The following ZBTB7B variants were observed in gnomAD, a reference collection of about 807,000 sequenced individuals.
The protein encoded by ZBTB7B is zinc finger and BTB domain containing 7B, also known as zinc finger and BTB domain-containing protein 7B.
Under a neutral mutation model 31.0 loss-of-function variants are expected in ZBTB7B, and 8 were observed. The ratio of observed to expected loss-of-function variants is 0.26; its 90% CI spans 0.15 to 0.47. The LOEUF is 0.47. ZBTB7B is among the 20% of genes least tolerant of loss of function. The pLI, the probability that ZBTB7B is intolerant of heterozygous loss-of-function variation, is 0.99. For missense variants in ZBTB7B, 494 were observed against 742.4 expected, an observed-to-expected ratio of 0.67 and a Z score of 3.89; for synonymous variants, 261 against 307.3, an observed-to-expected ratio of 0.85 and a Z score of 1.58.
chr1:155,009,366 G>A (rs1000889493), intron 1 of ZBTB7B, among the ~76,000 whole-genome samples: 4 of 151,324 alleles, frequency 2.6e-5, no homozygotes, highest in Admixed American at 1.3e-4. Flanking sequence ...TTACCCAGCC[G>A]GAGACACTAG....
At chr1:155,009,178 G>C (rs560832185) in intron 1 of ZBTB7B, among the ~76,000 whole-genome samples, 255 of 152,276 alleles carry the variant, frequency 1.7e-3, no homozygotes, top group Non-Finnish European at 2.0e-3. Context: ...GACCCGAGCA[G>C]ATCAGGAGAG....
intron 1 of ZBTB7B, chr1:155,013,963 G>T: frequency 1.1e-6 from 1 of 917,598 alleles, no homozygotes; most frequent in African/African-American, 1.8e-5. Context: ...GCAAGAGGAG[G>T]AAGAGGATGA....
In ZBTB7B at chr1:155,003,706, C is replaced by G. The variant is rs1247759625; in HGVS notation, c.-7+763C>G. On this transcript the variant is annotated intron_variant, in intron 1 of 2. Transcript: ENST00000535420. This position sits in a 1 kb window ranked among gnomAD's most constrained non-coding sequence, Gnocchi z 5.8. Reference sequence around the variant, plus strand: ...TACCTACTACCCGTCCCCCCACCGGCGCCGGCGCACCTGCCCCAGCCCAGA... The same window carrying G: ...TACCTACTACCCGTCCCCCCACCGGGGCCGGCGCACCTGCCCCAGCCCAGA... Among the ~76,000 whole-genome samples, 1 of 152,230 alleles carries G rather than the reference C, an allele frequency of 6.6e-6. No homozygotes were observed. The highest frequency in any genetic ancestry group is 1.9e-4 in the East Asian group (1 of 5,204).
chr1:155,009,423 C>T (rs956701065), intron 1 of ZBTB7B, among the ~76,000 whole-genome samples: 10 of 152,032 alleles, frequency 6.6e-5, no homozygotes, highest in Admixed American at 3.9e-4. Context: ...GCACCTTGTG[C>T]GGTCTCCTCA....
chr1:155,003,593 C>T lies in ZBTB7B; in HGVS notation c.-7+650C>T, dbSNP rs1034067720. Among the ~76,000 whole-genome samples the T allele has an allele frequency of 6.6e-5, 10 of 152,208 alleles. No homozygotes were observed. Among genetic ancestry groups the T allele is most frequent in the African/African-American group, 2.2e-4 (9 of 41,440 alleles). ...GCCCCTCAATCCCACTCCCTTCCTT[C>T]AGGCTCCAGTCCCGCCGCTACCTTT... is the stretch of plus-strand genomic sequence containing the variant. On this transcript the variant is annotated intron_variant, in intron 1 of 2. Coordinates refer to ENST00000535420, the MANE Select transcript of ZBTB7B (RefSeq NM_001256455.2). This position sits in a 1 kb window ranked among gnomAD's most constrained non-coding sequence, Gnocchi z 5.8.
At position 155,018,385 on chromosome 1, in the gene ZBTB7B, C is replaced by T. The variant is rs1218678191; in HGVS notation, c.*1700C>T. The T allele has an allele frequency of 4.1e-6, 3 of 724,716 alleles. No individual in the cohort carries two copies. The highest frequency in any genetic ancestry group is 2.9e-5 in the Admixed American group (1 of 34,414). 44.9% of individuals were successfully genotyped at this position (724,716 alleles called of 1,614,324 possible). On this transcript the variant is annotated 3_prime_UTR_variant, in exon 3 of 3. Transcript: ENST00000535420. The stretch of plus-strand genomic sequence containing the variant: ...CCAGAAAGTGGGGACAATGTGGCCT[C>T]CCTTCTCCCTACTTTCGGCTTTCCC...
Position 155,015,154 on chromosome 1 carries a change from C to G in ZBTB7B, c.494C>G (p.Ala165Gly), listed in dbSNP as rs1372122428. The stretch of plus-strand genomic sequence containing the variant: ...GAGCGAGCCCGCCAGTATCTGGAGG[C>G]CTTTGCCACAGCCACGGCCTCTGGA... ...DCERARQYLEAFATATASGVP... is the reference protein window; with the variant it reads ...DCERARQYLEGFATATASGVP... Residue 165 changes from alanine to glycine, a missense_variant, in exon 2 of 3, where the codon GCC (alanine) becomes GGC (glycine). Transcript: ENST00000535420. 1.5e-5 allele frequency: 24 copies of G among 1,613,754 alleles called. No individual in the cohort carries two copies. Among genetic ancestry groups the G allele is most frequent in the South Asian group, 4.4e-5 (4 of 91,084 alleles).
Position 155,003,367 on chromosome 1 carries a change from C to G in ZBTB7B, c.-7+424C>G, listed in dbSNP as rs866555054. On this transcript the variant is annotated intron_variant, in intron 1 of 2. Coordinates refer to ENST00000535420, the MANE Select transcript of ZBTB7B (RefSeq NM_001256455.2). This position sits in a 1 kb window ranked among gnomAD's most constrained non-coding sequence, Gnocchi z 5.8. ...ACTAGGACAACGCGCACCCCCCCCCCACCCCGCGCCCCCTGGCGCGGTGGA... is the reference window on the plus strand; with the variant it reads ...ACTAGGACAACGCGCACCCCCCCCCGACCCCGCGCCCCCTGGCGCGGTGGA... Among the ~76,000 whole-genome samples, 10 of 148,104 alleles carry G rather than the reference C, an allele frequency of 6.8e-5. No individual in the cohort carries two copies. Among genetic ancestry groups the G allele is most frequent in the Middle Eastern group, 3.6e-3 (1 of 276 alleles).
Position 155,014,685 on chromosome 1 carries a change from A to C in ZBTB7B, c.25A>C (p.Ile9Leu). The C allele has an allele frequency of 6.2e-7, 1 of 1,613,658 alleles. No individual in the cohort carries two copies. Among genetic ancestry groups the C allele is most frequent in the Non-Finnish European group, 8.5e-7 (1 of 1,179,688 alleles). MGSPEDDL[I>L]GIPFPDHSSE... ...GATGGGGAGCCCCGAGGATGACCTG[A>C]TTGGGATTCCATTCCCGGACCACAG... is the stretch of plus-strand genomic sequence containing the variant. The change falls in exon 2 of 3, where the codon ATT (isoleucine) becomes CTT (leucine). Residue 9 changes from isoleucine to leucine, a missense_variant. Ile to Leu is a conservative substitution (Grantham distance 5). Transcript: ENST00000535420.
chr1:155,009,491 G>A (rs1468911185), intron 1 of ZBTB7B, among the ~76,000 whole-genome samples: 1 of 152,146 alleles, frequency 6.6e-6, no homozygotes, highest in Non-Finnish European at 1.5e-5. Context: ...CTGATGGCCA[G>A]AGTCTGTCCA....
rs569843086 is a variant in ZBTB7B at position 155,016,789 on chromosome 1, T to C, written c.*104T>C. 1 of 679,860 alleles carries C rather than the reference T, an allele frequency of 1.5e-6. No homozygotes were observed. The highest frequency in any genetic ancestry group is 2.7e-5 in the East Asian group (1 of 36,582). 42.1% of individuals were successfully genotyped at this position (679,860 alleles called of 1,614,324 possible). On this transcript the variant is annotated 3_prime_UTR_variant, in exon 3 of 3. Coordinates refer to ENST00000535420, the MANE Select transcript of ZBTB7B (RefSeq NM_001256455.2). The surrounding 1 kb of genome is among the most constrained non-coding windows in gnomAD (Gnocchi z 4.3). ...CAGCAGGGGTCTGGGGCACGGAGCC[T>C]TGCTGGCATCAGCATCAGCCCTTCC... is the stretch of plus-strand genomic sequence containing the variant.
At chr1:155,011,821 G>A (rs763983168) in intron 1 of ZBTB7B, among the ~76,000 whole-genome samples, 1 of 152,232 alleles carries the variant, frequency 6.6e-6, no homozygotes, top group Non-Finnish European at 1.5e-5. Context: ...TGGCACCAGT[G>A]CCCTGCCCTG....
rs1472966051 is a variant in ZBTB7B at position 155,014,639 on chromosome 1, C to T, written c.-6-16C>T. 1 of 1,602,540 alleles carries T rather than the reference C, an allele frequency of 6.2e-7. No homozygotes were observed. The highest frequency in any genetic ancestry group is 8.5e-7 in the Non-Finnish European group (1 of 1,173,280). ...GGGCTGAGCGCTCTTAATCTCCCCT[C>T]TACTTGACTCTGCAGGAGAAGATGG... is the stretch of plus-strand genomic sequence containing the variant. On this transcript the variant is annotated splice_polypyrimidine_tract_variant and intron_variant, in intron 1 of 2. Coordinates refer to ENST00000535420, the MANE Select transcript of ZBTB7B (RefSeq NM_001256455.2).
At chr1:155,013,897 C>A in intron 1 of ZBTB7B, 1 of 306,632 alleles carries the variant, frequency 3.3e-6, no homozygotes, top group Non-Finnish European at 4.8e-6. Flanking sequence ...TCCCGTTTGG[C>A]CTGGAGAAGT....
Position 155,012,371 on chromosome 1 carries a change from G to T in ZBTB7B, c.-6-2284G>T, listed in dbSNP as rs951756318. On this transcript the variant is annotated intron_variant, in intron 1 of 2. Coordinates refer to ENST00000535420, the MANE Select transcript of ZBTB7B (RefSeq NM_001256455.2). ...CAGCCCCACCCATCCCCCTTAGGAG[G>T]GACAGGATCCACTTGGGCCCAGGAG... is the stretch of plus-strand genomic sequence containing the variant. 5.3e-4 allele frequency among the ~76,000 whole-genome samples: 80 copies of T among 152,228 alleles called. 1 individual carries two copies. In the Middle Eastern group the frequency reaches 0.017, roughly 32 times the overall value.
chr1:155,009,239 G>A (rs1424910850), intron 1 of ZBTB7B, among the ~76,000 whole-genome samples: 1 of 152,172 alleles, frequency 6.6e-6, no homozygotes, highest in South Asian at 2.1e-4. Context: ...AGGCCAGGAG[G>A]CTGGACAGGC....
chr1:155,013,133 A>G (rs938695512), intron 1 of ZBTB7B, among the ~76,000 whole-genome samples: 6 of 152,210 alleles, frequency 3.9e-5, no homozygotes, highest in Non-Finnish European at 8.8e-5. Context: ...TCGAATCCCT[A>G]CTGCATATCA....
At chr1:155,011,982 C>T (rs538444962) in intron 1 of ZBTB7B, among the ~76,000 whole-genome samples, 1 of 152,268 alleles carries the variant, frequency 6.6e-6, no homozygotes, top group South Asian at 2.1e-4. Context: ...AGGGGAGTTT[C>T]CCAGAAGCTA....
chr1:155,009,329 C>T (rs891003882), intron 1 of ZBTB7B, among the ~76,000 whole-genome samples: 3 of 149,620 alleles, frequency 2.0e-5, no homozygotes, highest in Non-Finnish European at 4.4e-5. Context: ...GGCGGCTTGG[C>T]GGGTGTGGGG....
Sources: allele counts gnomAD v4.1 joint callset (sites outside exome capture counted in the v4.1 genomes callset), GRCh38; gene constraint gnomAD v4.1.1; non-coding constraint Gnocchi (gnomAD v3.1); transcripts MANE v1.5; gene names NCBI Gene and HGNC (gene_info 2026-07-23, HGNC 2026-07-21).